The following DPP6 variants were observed in gnomAD, a reference collection of about 807,000 sequenced individuals.
DPP6 encodes dipeptidyl peptidase like 6.
DPP6 carries 69 observed loss-of-function variants against 122.6 expected under a neutral mutation model. That is an observed-to-expected ratio of 0.56 (90% CI 0.46 to 0.69). The LOEUF (loss-of-function observed/expected upper bound fraction) is 0.69. Among genes scored for constraint, DPP6 ranks in the 30% least tolerant of loss-of-function variants. DPP6 has a pLI of 0.00. For synonymous variants in DPP6, 418 were observed against 433.1 expected, an observed-to-expected ratio of 0.97 and a Z score of 0.43; for missense variants, 928 against 1,116.9, an observed-to-expected ratio of 0.83 and a Z score of 2.41.
chr7:154,233,772 C>G (rs1027486131), intron 1 of DPP6, among the ~76,000 whole-genome samples: 1 of 152,214 alleles, frequency 6.6e-6, no homozygotes, highest in Non-Finnish European at 1.5e-5. Context: ...GAGATGATAA[C>G]TTTTCTGTTG....
Position 154,588,151 on chromosome 7 carries a change from A to T in DPP6, c.627+21235A>T, listed in dbSNP as rs1832592914. ...CACTGGTGGAGAGAGACACGCTGTC[A>T]TCAGGCCCAAGAAATACTGCCTTCC... On this transcript the variant is annotated intron_variant, in intron 5 of 25. Transcript: ENST00000377770. The T allele has an allele frequency of 9.7e-6, 15 of 1,547,780 alleles. No homozygotes were observed. The South Asian group carries it at 1.7e-4, about 18-fold the overall frequency.
intron 6 of DPP6, among the ~76,000 whole-genome samples, chr7:154,650,439 A>C (rs1836802448): frequency 6.6e-6 from 1 of 152,188 alleles, no homozygotes; most frequent in Admixed American, 6.5e-5. Context: ...AGGCTTAAAA[A>C]AAGAGCACAG....
intron 1 of DPP6, among the ~76,000 whole-genome samples, chr7:154,175,035 C>T (rs999543837): frequency 6.6e-5 from 10 of 151,792 alleles, no homozygotes; most frequent in Non-Finnish European, 8.8e-5. Context: ...AACACGCGCC[C>T]CCCACCCCTG....
At chr7:154,342,853 G>C (rs532525063) in intron 1 of DPP6, among the ~76,000 whole-genome samples, 80 of 152,338 alleles carry the variant, frequency 5.3e-4, no homozygotes, top group African/African-American at 1.8e-3. Context: ...GTGCTGAACT[G>C]GCAAGCCAAT....
chr7:154,732,467 G>A (rs1842385133), intron 8 of DPP6, among the ~76,000 whole-genome samples: 1 of 152,104 alleles, frequency 6.6e-6, no homozygotes, highest in East Asian at 1.9e-4. Flanking sequence ...CCATTATCAT[G>A]GAATGACTCA....
intron 3 of DPP6, among the ~76,000 whole-genome samples, chr7:154,492,648 T>C (rs529121410): frequency 4.6e-5 from 7 of 152,264 alleles, no homozygotes; most frequent in African/African-American, 1.4e-4. Context: ...ATCTCCATTT[T>C]ACATATGAGG....
intron 3 of DPP6, among the ~76,000 whole-genome samples, chr7:154,479,557 C>CAAAAAAAAAAAAAAAA (rs35103324): frequency 3.3e-5 from 3 of 91,178 alleles, no homozygotes; most frequent in Admixed American, 1.3e-4. Context: ...GACTCCATCT[C>CAAAAAAAAAAAAAAAA]AAAAAAAAAA....
At chr7:154,096,515 AC>A (rs1197722728) in intron 1 of DPP6, among the ~76,000 whole-genome samples, 3 of 149,894 alleles carry the variant, frequency 2.0e-5, no homozygotes, top group Non-Finnish European at 3.0e-5. Context: ...TTGAGGCAAT[AC>A]CTTTATGCTT....
intron 5 of DPP6, among the ~76,000 whole-genome samples, chr7:154,636,583 C>T (rs1835741083): frequency 6.6e-6 from 1 of 152,184 alleles, no homozygotes; most frequent in South Asian, 2.1e-4. Context: ...CCCCGGGCCG[C>T]ATATTTCTGG....
At chr7:154,584,816 C>T (rs751751803) in intron 5 of DPP6, among the ~76,000 whole-genome samples, 11 of 152,206 alleles carry the variant, frequency 7.2e-5, no homozygotes, top group Non-Finnish European at 1.5e-4. Context: ...TGCACAAAGC[C>T]TGCCTCTAGT....
At chr7:154,266,941 G>A (rs530521211) in intron 1 of DPP6, among the ~76,000 whole-genome samples, 4 of 152,146 alleles carry the variant, frequency 2.6e-5, no homozygotes, top group Non-Finnish European at 5.9e-5. Flanking sequence ...TTTTGATATA[G>A]TATCAAATAA....
chr7:153,803,312 G>A, the DPP6 span, among the ~76,000 whole-genome samples: 1 of 149,818 alleles, frequency 6.7e-6, no homozygotes, highest in Non-Finnish European at 1.5e-5. Context: ...TGTGTGTGAA[G>A]GCATTTCTAG....
At chr7:154,327,955 G>A (rs1808593621) in intron 1 of DPP6, among the ~76,000 whole-genome samples, 1 of 152,166 alleles carries the variant, frequency 6.6e-6, no homozygotes, top group Non-Finnish European at 1.5e-5. Context: ...GCATTACTAT[G>A]AGTAATTCCA....
At chr7:154,321,660 C>T (rs1366886852) in intron 1 of DPP6, among the ~76,000 whole-genome samples, 1 of 151,358 alleles carries the variant, frequency 6.6e-6, no homozygotes, top group Non-Finnish European at 1.5e-5. Context: ...TGGCGGGTGC[C>T]TGTAATCCCA....
In DPP6 at chr7:154,409,231, A is replaced by G. The variant is rs534367923; in HGVS notation, c.244-36983A>G. On this transcript the variant is annotated intron_variant, in intron 1 of 25. Coordinates refer to ENST00000377770, the MANE Select transcript of DPP6 (RefSeq NM_130797.4). ...GAGATAATTAAATTAAAATGAGGTC[A>G]TATGAATGGACCCTAATTCCATATG... 9.8e-4 allele frequency among the ~76,000 whole-genome samples: 150 copies of G among 152,348 alleles called. 1 individual carries two copies. The highest frequency in any genetic ancestry group is 1.5e-3 in the Non-Finnish European group (103 of 68,034).
intron 1 of DPP6, among the ~76,000 whole-genome samples, chr7:154,174,061 T>C (rs969409606): frequency 9.9e-5 from 15 of 152,228 alleles, no homozygotes; most frequent in Non-Finnish European, 1.5e-4. Context: ...CTATAGGGTA[T>C]TTTAAACATA....
At chr7:153,909,724 A>G (rs544783452) in intron 1 of DPP6, among the ~76,000 whole-genome samples, 3 of 152,230 alleles carry the variant, frequency 2.0e-5, no homozygotes, top group African/African-American at 2.4e-5. Flanking sequence ...TTGGACTTCA[A>G]ACTTCCCCAG....
At chr7:154,287,137 T>C (rs1251858320) in intron 1 of DPP6, among the ~76,000 whole-genome samples, 3 of 152,208 alleles carry the variant, frequency 2.0e-5, no homozygotes, top group African/African-American at 7.2e-5. Flanking sequence ...AAAGAAAGCA[T>C]GCAGTGTCTG....
At chr7:154,328,972 T>C (rs1402856537) in intron 1 of DPP6, among the ~76,000 whole-genome samples, 1 of 152,226 alleles carries the variant, frequency 6.6e-6, no homozygotes, top group Non-Finnish European at 1.5e-5. Flanking sequence ...AAAATGTTGC[T>C]AACTGTGGAT....
Sources: gnomAD v4.1 joint callset for allele counts (sites outside exome capture counted in the v4.1 genomes callset) on GRCh38, gnomAD v4.1.1 for gene constraint, MANE v1.5 for transcripts, NCBI Gene and HGNC (gene_info 2026-07-23, HGNC 2026-07-21) for gene names.